Variants in EXOC4 observed in about 807,000 individuals in gnomAD.
The protein encoded by EXOC4 is exocyst complex component 4.
EXOC4 carries 71 observed loss-of-function variants against 107.2 expected under a neutral mutation model. The observed-to-expected ratio is 0.66, with a 90% CI of 0.55 to 0.81. EXOC4 has a LOEUF of 0.81. Ranked by LOEUF, EXOC4 falls within the 30% of genes least tolerant of loss-of-function variation. The pLI is 0.00. For missense variants in EXOC4, 1,108 were observed against 1,189.6 expected, an observed-to-expected ratio of 0.93 and a Z score of 1.01; for synonymous variants, 456 against 441.2, an observed-to-expected ratio of 1.03 and a Z score of -0.42.
chr7:133,453,925 C>G (rs1169213959), intron 7 of EXOC4, among the ~76,000 whole-genome samples: 2 of 152,080 alleles, frequency 1.3e-5, no homozygotes, highest in Non-Finnish European at 2.9e-5. Flanking sequence ...TAAGTCACCT[C>G]TATACATAAT....
chr7:133,486,213 G>A (rs1217752252), intron 9 of EXOC4, among the ~76,000 whole-genome samples: 1 of 152,056 alleles, frequency 6.6e-6, no homozygotes, highest in African/African-American at 2.4e-5. Context: ...TCTCTCTAAT[G>A]GGTTGTCGGT....
intron 14 of EXOC4, among the ~76,000 whole-genome samples, chr7:133,992,161 A>T (rs951693036): frequency 6.6e-6 from 1 of 151,808 alleles, no homozygotes; most frequent in South Asian, 2.1e-4. Flanking sequence ...TTCCTTGTAG[A>T]TGTCTTTTAC....
At chr7:133,387,885 A>G (rs989565272) in intron 7 of EXOC4, among the ~76,000 whole-genome samples, 2 of 152,134 alleles carry the variant, frequency 1.3e-5, no homozygotes, top group Non-Finnish European at 2.9e-5. Flanking sequence ...GTTCATGGGC[A>G]AAGGGGGACT....
At chr7:133,414,401 A>T (rs1328957261) in intron 7 of EXOC4, among the ~76,000 whole-genome samples, 2 of 152,204 alleles carry the variant, frequency 1.3e-5, no homozygotes, top group African/African-American at 4.8e-5. Flanking sequence ...TAAGCAAGCA[A>T]TCTAGAAATA....
At chr7:133,301,875 G>T (rs943063099) in intron 3 of EXOC4, among the ~76,000 whole-genome samples, 3 of 152,152 alleles carry the variant, frequency 2.0e-5, no homozygotes, top group Non-Finnish European at 4.4e-5. Context: ...ATTTACAGTG[G>T]TTCATGTCAG....
At chr7:133,317,239 T>C (rs1160369047) in intron 4 of EXOC4, 45 bp from the exon 5 acceptor site, 3 of 1,395,532 alleles carry the variant, frequency 2.1e-6, no homozygotes, top group Non-Finnish European at 3.0e-6. Context: ...AGGACTTTAG[T>C]TGGTTTTGAA....
intron 7 of EXOC4, among the ~76,000 whole-genome samples, chr7:133,432,314 C>T (rs970801182): frequency 6.6e-6 from 1 of 152,096 alleles, no homozygotes; most frequent in African/African-American, 2.4e-5. Flanking sequence ...TTTACCAAGG[C>T]TCACTTTACT....
intron 14 of EXOC4, among the ~76,000 whole-genome samples, chr7:133,941,025 CTTT>C (rs774809098): frequency 6.9e-6 from 1 of 143,892 alleles, no homozygotes. Flanking sequence ...TTCTTTTTTT[CTTT>C]TTTTTTTTTG....
intron 7 of EXOC4, among the ~76,000 whole-genome samples, chr7:133,447,757 T>A (rs1006631701): frequency 1.3e-5 from 2 of 152,120 alleles, no homozygotes; most frequent in African/African-American, 4.8e-5. Context: ...TTACTTTTTT[T>A]ATTGGATTCA....
chr7:133,783,458 G>A (rs1796507719), intron 10 of EXOC4, among the ~76,000 whole-genome samples: 1 of 152,178 alleles, frequency 6.6e-6, no homozygotes, highest in South Asian at 2.1e-4. Flanking sequence ...CCTATTTGTG[G>A]TTCCCTTAGG....
At chr7:134,050,485 A>T (rs1266497410) in intron 17 of EXOC4, among the ~76,000 whole-genome samples, 1 of 108,882 alleles carries the variant, frequency 9.2e-6, no homozygotes, top group Non-Finnish European at 1.8e-5. Flanking sequence ...AAGAATATTA[A>T]GAGTTTTTTT....
chr7:133,423,895 G>A (rs941390322), intron 7 of EXOC4, among the ~76,000 whole-genome samples: 5 of 152,206 alleles, frequency 3.3e-5, no homozygotes, highest in Admixed American at 2.6e-4. Context: ...TCTGGGCTGC[G>A]GAGTGCCTGG....
chr7:133,414,227 A>C (rs1444575587), intron 7 of EXOC4, among the ~76,000 whole-genome samples: 1 of 152,216 alleles, frequency 6.6e-6, no homozygotes, highest in Non-Finnish European at 1.5e-5. Flanking sequence ...AAAGATGCTT[A>C]ACTTTGCTAA....
At chr7:133,420,220 G>A (rs989184493) in intron 7 of EXOC4, among the ~76,000 whole-genome samples, 5 of 145,682 alleles carry the variant, frequency 3.4e-5, no homozygotes, top group Admixed American at 1.4e-4. Flanking sequence ...AATATGTGGT[G>A]TTTGGTTTTT....
chr7:133,398,325 A>G (rs915475011), intron 7 of EXOC4, among the ~76,000 whole-genome samples: 3 of 152,192 alleles, frequency 2.0e-5, no homozygotes, highest in African/African-American at 7.2e-5. Flanking sequence ...CTAAGCTTAA[A>G]TGCCATTTTT....
intron 10 of EXOC4, chr7:133,733,463 G>A (rs1795371259): frequency 6.6e-6 from 1 of 152,340 alleles, no homozygotes; most frequent in East Asian, 1.9e-4. Flanking sequence ...CTGTACTCCA[G>A]CCTGGGCGAC....
At chr7:133,806,573 C>T (rs896215467) in intron 10 of EXOC4, among the ~76,000 whole-genome samples, 1 of 152,174 alleles carries the variant, frequency 6.6e-6, no homozygotes, top group African/African-American at 2.4e-5. Context: ...AGTACCTCAG[C>T]ACACACTTTA....
chr7:133,266,311 T>C (rs1793730140), intron 1 of EXOC4, among the ~76,000 whole-genome samples: 1 of 152,198 alleles, frequency 6.6e-6, no homozygotes, highest in African/African-American at 2.4e-5. Context: ...TTACCTTCTT[T>C]GTAGGCTGTG....
chr7:133,949,419 GAAGAGTA>G (rs1800635019), intron 14 of EXOC4, among the ~76,000 whole-genome samples: 1 of 152,136 alleles, frequency 6.6e-6, no homozygotes, highest in South Asian at 2.1e-4. Context: ...TTTATGAAAG[GAAGAGTA>G]ATGAGGACTT....
Sources: gnomAD v4.1 joint callset for allele counts (sites outside exome capture counted in the v4.1 genomes callset) on GRCh38, gnomAD v4.1.1 for gene constraint, MANE v1.5 for transcripts, NCBI Gene and HGNC (gene_info 2026-07-23, HGNC 2026-07-21) for gene names.